The following ANO6 variants were observed in gnomAD, a reference collection of about 807,000 sequenced individuals.
ANO6 encodes the protein anoctamin-6.
In ANO6, 106 loss-of-function variants were observed where a neutral mutation model predicts 117.5. The ratio of observed to expected loss-of-function variants is 0.90; its 90% CI spans 0.77 to 1.06. The LOEUF is 1.06. Ranked by LOEUF, ANO6 falls within the 50% of genes least tolerant of loss-of-function variation. The probability of loss-of-function intolerance (pLI) is 0.00; values close to 1 mark genes in which losing one functional copy is unlikely to be tolerated. For missense variants in ANO6, 955 were observed against 1,121.1 expected (o/e 0.85, Z 2.12); for synonymous variants, 367 against 385.1 (o/e 0.95, Z 0.55).
intron 11 of ANO6, 29 bp downstream of exon 11, chr12:45,388,332 T>C (rs1314891750): frequency 2.5e-6 from 4 of 1,612,978 alleles, no homozygotes. Flanking sequence ...AGGTGCAGTT[T>C]AATCTACTTA....
Position 45,310,737 on chromosome 12 carries a change from G to A in ANO6, c.150+8644G>A, listed in dbSNP as rs528991257. Reference sequence around the variant, plus strand: ...TAAAAGAGCTTGTAGATTTGCTTTGGGAAGTGCAGCCGGTCATCTCAAGGT... The same window carrying A: ...TAAAAGAGCTTGTAGATTTGCTTTGAGAAGTGCAGCCGGTCATCTCAAGGT... On this transcript the variant is annotated intron_variant, in intron 2 of 19. Transcript: ENST00000320560. Among the ~76,000 whole-genome samples the A allele has an allele frequency of 2.6e-5, 4 of 152,128 alleles. No individual in the cohort carries two copies. In the South Asian group the frequency reaches 8.3e-4, roughly 32 times the overall value.
At chr12:45,254,028 A>G (rs965011248) in intron 1 of ANO6, among the ~76,000 whole-genome samples, 2 of 152,124 alleles carry the variant, frequency 1.3e-5, no homozygotes, top group African/African-American at 4.8e-5. Flanking sequence ...TTAGCTGGGC[A>G]TGGTGGTGTG....
intron 9 of ANO6, 107 bp downstream of exon 9, chr12:45,367,900 T>C: frequency 1.2e-6 from 1 of 839,212 alleles, no homozygotes. Flanking sequence ...GGAATTAAGA[T>C]ATTTTTCAAC....
intron 1 of ANO6, among the ~76,000 whole-genome samples, chr12:45,255,005 C>CAT (rs913826597): frequency 1.3e-5 from 2 of 152,040 alleles, no homozygotes; most frequent in African/African-American, 4.8e-5. Context: ...ACTTACTTTC[C>CAT]ATATATATCT....
intron 1 of ANO6, among the ~76,000 whole-genome samples, chr12:45,235,751 G>C (rs955484815): frequency 6.6e-6 from 1 of 152,172 alleles, no homozygotes; most frequent in Admixed American, 6.5e-5. Context: ...AGTGTACCAG[G>C]AGTCCAAAAA....
chr12:45,337,468 A>G (rs1940859715), intron 3 of ANO6, among the ~76,000 whole-genome samples: 1 of 152,076 alleles, frequency 6.6e-6, no homozygotes, highest in Admixed American at 6.6e-5. Flanking sequence ...GTTCATATGT[A>G]CACTCTATGG....
rs537325646 is a variant in ANO6 at position 45,337,826 on chromosome 12, TAATC to T, written c.279+6405_279+6408del. ...GTTTGTGACGTGTAAATGCATATGTTAATCAGCTTGATTTTGGCTTCCATTATAT... is the reference window on the plus strand; with the variant it reads ...GTTTGTGACGTGTAAATGCATATGTTAGCTTGATTTTGGCTTCCATTATAT... On this transcript the variant is annotated intron_variant, in intron 3 of 19. Coordinates refer to ENST00000320560, the MANE Select transcript of ANO6 (RefSeq NM_001025356.3). Among the ~76,000 whole-genome samples the T allele has an allele frequency of 4.3e-3, 654 of 152,222 alleles. 5 individuals are homozygous for T. The highest frequency in any genetic ancestry group is 4.7e-3 in the Non-Finnish European group (317 of 67,994).
intron 1 of ANO6, among the ~76,000 whole-genome samples, chr12:45,291,423 A>C (rs1019845618): frequency 6.6e-6 from 1 of 151,770 alleles, no homozygotes; most frequent in African/African-American, 2.4e-5. Context: ...TAGATATAAC[A>C]TCAAAAACAT....
At position 45,403,540 on chromosome 12, in the gene ANO6, A is replaced by C. The variant is rs1942853643; in HGVS notation, c.1880+4A>C. On this transcript the variant is annotated splice_donor_region_variant and intron_variant, in intron 15 of 19. Coordinates refer to ENST00000320560, the MANE Select transcript of ANO6 (RefSeq NM_001025356.3). ...ACATACAAGAAGTATTATTGCCGTG[A>C]GTGTTAAATTGTATAGCCATGGGTA... The C allele has an allele frequency of 1.2e-6, 2 of 1,605,508 alleles. No individual in the cohort carries two copies. Among genetic ancestry groups the C allele is most frequent in the Non-Finnish European group, 1.7e-6 (2 of 1,172,608 alleles).
intron 12 of ANO6, among the ~76,000 whole-genome samples, chr12:45,396,733 G>T (rs1473094736): frequency 6.6e-6 from 1 of 152,156 alleles, no homozygotes; most frequent in South Asian, 2.1e-4. Flanking sequence ...AAGCAATGGG[G>T]AAAGGATTCA....
chr12:45,405,518 G>C (rs2137642671), intron 15 of ANO6, among the ~76,000 whole-genome samples: 1 of 152,284 alleles, frequency 6.6e-6, no homozygotes, highest in South Asian at 2.1e-4. Context: ...TGAAAACTGA[G>C]AATGCTGAGT....
chr12:45,268,514 T>A (rs191169002), intron 1 of ANO6, among the ~76,000 whole-genome samples: 1 of 152,248 alleles, frequency 6.6e-6, no homozygotes, highest in Admixed American at 6.5e-5. Flanking sequence ...AGTGAGACCC[T>A]GTCTCAAAAA....
At chr12:45,396,922 T>C (rs1276655890) in intron 12 of ANO6, among the ~76,000 whole-genome samples, 1 of 152,200 alleles carries the variant, frequency 6.6e-6, no homozygotes, top group Non-Finnish European at 1.5e-5. Context: ...GACATAGGCA[T>C]GGGCAAGGAC....
intron 9 of ANO6, among the ~76,000 whole-genome samples, chr12:45,377,669 C>T (rs1478400343): frequency 1.3e-5 from 2 of 152,162 alleles, no homozygotes; most frequent in African/African-American, 4.8e-5. Context: ...CTAAAAGTTG[C>T]TTAGGGATCA....
intron 1 of ANO6, among the ~76,000 whole-genome samples, chr12:45,279,962 T>C (rs1374358342): frequency 6.6e-6 from 1 of 152,236 alleles, no homozygotes; most frequent in African/African-American, 2.4e-5. Context: ...TGTTAAAAGG[T>C]TAAAAATTGT....
intron 10 of ANO6, among the ~76,000 whole-genome samples, chr12:45,384,899 G>A (rs1028425840): frequency 6.6e-6 from 1 of 152,138 alleles, no homozygotes; most frequent in African/African-American, 2.4e-5. Flanking sequence ...TGTAAAGCAC[G>A]ATAAATCAAG....
At chr12:45,238,755 T>G (rs1444626664) in intron 1 of ANO6, among the ~76,000 whole-genome samples, 55 of 149,668 alleles carry the variant, frequency 3.7e-4, no homozygotes, top group South Asian at 2.0e-3. Flanking sequence ...CATGAAGGGC[T>G]GTTGAATTTT....
intron 2 of ANO6, among the ~76,000 whole-genome samples, chr12:45,308,351 A>G (rs1939744650): frequency 6.6e-6 from 1 of 152,022 alleles, no homozygotes; most frequent in South Asian, 2.1e-4. Context: ...GACACAGATG[A>G]AATTAGTTCA....
chr12:45,417,109 A>G (rs547730248), intron 17 of ANO6, among the ~76,000 whole-genome samples: 1 of 152,218 alleles, frequency 6.6e-6, no homozygotes. Flanking sequence ...AAGACCTCCT[A>G]TACAGGTACT....
Sources: gnomAD v4.1 joint callset for allele counts (sites outside exome capture counted in the v4.1 genomes callset) on GRCh38, gnomAD v4.1.1 for gene constraint, MANE v1.5 for transcripts, NCBI Gene and HGNC (gene_info 2026-07-23, HGNC 2026-07-21) for gene names.